Variants in HROB observed in about 807,000 individuals in gnomAD.
The protein encoded by HROB is homologous recombination OB-fold protein.
HROB carries 44 observed loss-of-function variants against 61.0 expected under a neutral mutation model. That is an observed-to-expected ratio of 0.72 (90% CI 0.57 to 0.93). The LOEUF (loss-of-function observed/expected upper bound fraction) is 0.93. Among genes scored for constraint, HROB ranks in the 40% least tolerant of loss-of-function variants. The probability of loss-of-function intolerance (pLI) is 0.00; values close to 1 mark genes in which losing one functional copy is unlikely to be tolerated. For synonymous variants in HROB, 301 were observed against 310.4 expected, an observed-to-expected ratio of 0.97 and a Z score of 0.32; for missense variants, 716 against 796.2, an observed-to-expected ratio of 0.90 and a Z score of 1.21.
rs529091036 is a variant in HROB at position 44,148,165 on chromosome 17, A to C, written c.362A>C (p.Glu121Ala). 4 of 1,614,202 alleles carry C rather than the reference A, an allele frequency of 2.5e-6. No homozygotes were observed. In the South Asian group the frequency reaches 4.4e-5, roughly 18 times the overall value. Residue 121 changes from glutamate to alanine, a missense_variant, in exon 3 of 10, where the codon GAA becomes GCA. Physicochemically the swap from Glu to Ala is moderately radical, Grantham distance 107 (BLOSUM62 -1). Coordinates refer to ENST00000585683, the MANE Select transcript of HROB (RefSeq NM_001171251.3). Reference sequence around the variant, plus strand: ...AATCAGAGAAGAGTGACAGTGACAGAAGTGCTCAGAGAGACAGCAAGACCT... The same window carrying C: ...AATCAGAGAAGAGTGACAGTGACAGCAGTGCTCAGAGAGACAGCAAGACCT... ...IGNQRRVTVT[E>A]VLRETARPQS...
At chr17:44,161,759 G>A in intron 9 of HROB, 112 bp from the exon 10 acceptor site, 2 of 1,188,016 alleles carry the variant, frequency 1.7e-6, no homozygotes, top group Admixed American at 1.9e-5. Context: ...GGAGCCGCCT[G>A]CCCAGCTATA....
rs113092438 is a variant in HROB, at chr17:44,143,207, G to A, written c.3+1062G>A. The stretch of plus-strand genomic sequence containing the variant: ...CCCGCCTTGGCGTCACAAAGTGCTG[G>A]GATTACAGGAGTGAGCCACCATGCC... On this transcript the variant is annotated intron_variant, in intron 1 of 9. Coordinates refer to ENST00000585683, the MANE Select transcript of HROB (RefSeq NM_001171251.3). Among the ~76,000 whole-genome samples the A allele has an allele frequency of 5.9e-4, 89 of 152,092 alleles. 2 individuals are homozygous for A. The highest frequency in any genetic ancestry group is 1.9e-3 in the African/African-American group (80 of 41,530).
At position 44,148,553 on chromosome 17, in the gene HROB, C is replaced by T; in HGVS notation, c.750C>T (p.His250=). The part of the protein sequence containing the change: ...RPPLRPGAVG[H]LPVPTALTVP... ...CCTTGAGACCTGGTGCTGTGGGTCA[C>T]CTTCCTGTTCCAACTGCCTTAACAG... Residue 250 remains histidine, a synonymous_variant, in exon 3 of 10, where the codon CAC becomes CAT. Coordinates refer to ENST00000585683, the MANE Select transcript of HROB (RefSeq NM_001171251.3). 6.2e-7 allele frequency: 1 copy of T among 1,614,060 alleles called. No individual in the cohort carries two copies. Among genetic ancestry groups the T allele is most frequent in the South Asian group, 1.1e-5 (1 of 91,076 alleles).
intron 1 of HROB, among the ~76,000 whole-genome samples, chr17:44,143,373 G>A (rs918556905): frequency 6.6e-6 from 1 of 152,132 alleles, no homozygotes; most frequent in Admixed American, 6.5e-5. Context: ...CCTGGGCGCA[G>A]TGGCTCACGC....
At chr17:44,156,658 G>A (rs891855224) in intron 8 of HROB, among the ~76,000 whole-genome samples, 69 of 150,614 alleles carry the variant, frequency 4.6e-4, no homozygotes, top group African/African-American at 1.5e-3. Flanking sequence ...TTTAATTACC[G>A]GTATTTATTT....
rs1038647350 is a variant in HROB, at chr17:44,162,169, C to G, written c.*237C>G. 2.0e-6 allele frequency: 1 copy of G among 504,388 alleles called. No homozygotes were observed. Among genetic ancestry groups the G allele is most frequent in the Non-Finnish European group, 3.5e-6 (1 of 281,852 alleles). The allele number at this position is 504,388 out of a possible 1,614,324, so 31.2% of individuals were successfully genotyped here. On this transcript the variant is annotated 3_prime_UTR_variant, in exon 10 of 10. Transcript: ENST00000585683. ...ATCCGGCCGGAGACTGGCTCTCCAG[C>G]CAACAAGAAAGGCCTGTCACCCTCG... is the stretch of plus-strand genomic sequence containing the variant.
intron 1 of HROB, 124 bp downstream of exon 1, chr17:44,142,269 C>T (rs2053468211): frequency 8.0e-7 from 1 of 1,249,374 alleles, no homozygotes; most frequent in East Asian, 3.1e-5. Flanking sequence ...GGGGGTTCGG[C>T]GGAGTCGGGA....
At position 44,145,147 on chromosome 17, in the gene HROB, C is replaced by T. The variant is rs1339152124; in HGVS notation, c.4-56C>T. On this transcript the variant is annotated intron_variant, in intron 1 of 9. Transcript: ENST00000585683. ...GTGCTGGGAAGAAGCAGAGTGAGGA[C>T]AGAATGTGCTTGCAAATGGTATTTC... is the stretch of plus-strand genomic sequence containing the variant. 7 of 1,582,808 alleles carry T rather than the reference C, an allele frequency of 4.4e-6. No homozygotes were observed. The Admixed American group carries it at 8.4e-5, about 19-fold the overall frequency.
intron 5 of HROB, among the ~76,000 whole-genome samples, chr17:44,154,033 C>T (rs2053896087): frequency 6.6e-6 from 1 of 151,026 alleles, no homozygotes; most frequent in Non-Finnish European, 1.5e-5. Flanking sequence ...GGCGACAGAG[C>T]GAGACTCCAT....
chr17:44,147,048 T>TGAGAGA (rs1555558320), intron 2 of HROB, among the ~76,000 whole-genome samples: 36 of 149,312 alleles, frequency 2.4e-4, no homozygotes, highest in African/African-American at 8.9e-4. Context: ...TGTGTGTGTG[T>TGAGAGA]GAGAGAGAGA....
chr17:44,157,972 G>A (rs770194787), intron 9 of HROB, 31 bp downstream of exon 9: 2 of 1,540,520 alleles, frequency 1.3e-6, no homozygotes, highest in Admixed American at 3.5e-5. Flanking sequence ...GGGAGCAAGA[G>A]AGGTTCTATT....
In HROB at chr17:44,157,793, C is replaced by T. The variant is rs2054015660; in HGVS notation, c.1771-40C>T. The T allele has an allele frequency of 2.0e-6, 3 of 1,519,896 alleles. No individual in the cohort carries two copies. The South Asian group carries it at 3.5e-5, about 18-fold the overall frequency. The allele number at this position is 1,519,896 out of a possible 1,614,324, so 94.2% of individuals were successfully genotyped here. A position where few individuals can be genotyped will look rare whatever the true frequency, so the allele number is the denominator to read the frequency against. On this transcript the variant is annotated intron_variant, in intron 8 of 9. Coordinates refer to ENST00000585683, the MANE Select transcript of HROB (RefSeq NM_001171251.3). ...GAGGTGGTGCCATCTGAAGGGATTT[C>T]AGGGACACAGGCATTGGTAACCAGA...
At chr17:44,143,886 A>C (rs1032696360) in intron 1 of HROB, among the ~76,000 whole-genome samples, 2 of 135,044 alleles carry the variant, frequency 1.5e-5, no homozygotes, top group Admixed American at 7.5e-5. Context: ...TTGCTCCCCT[A>C]GGCAGCCTTC....
rs751963411 is a variant in HROB, at chr17:44,148,650, G to A, written c.847G>A (p.Ala283Thr). 6.2e-7 allele frequency: 1 copy of A among 1,613,718 alleles called. No individual in the cohort carries two copies. ...TGTTCAAGCACTTCAGCCTCTCCAA[G>A]CTGCTAGAGGGACCATTCAGAGCAG... ...SPVQALQPLQ[A>T]ARGTIQSSPQ... The change falls in exon 3 of 10, where the codon GCT (alanine) becomes ACT (threonine). Residue 283 changes from alanine (A) to threonine (T), a missense_variant. Transcript: ENST00000585683.
rs2054167452 is a variant in HROB at position 44,162,437 on chromosome 17, G to GC, written c.*507dup. 6.4e-6 allele frequency: 1 copy of GC among 155,062 alleles called. No homozygotes were observed. The highest frequency in any genetic ancestry group is 1.9e-4 in the East Asian group (1 of 5,248). 9.6% of individuals were successfully genotyped at this position (155,062 alleles called of 1,614,324 possible). A position where few individuals can be genotyped will look rare whatever the true frequency, so the allele number is the denominator to read the frequency against. ...TTCCCAGGTGCAGGACAGAGGTGTGGCCTATTGTACCTTGTTCTGAAATAA... is the reference window on the plus strand; with the variant it reads ...TTCCCAGGTGCAGGACAGAGGTGTGGCCCTATTGTACCTTGTTCTGAAATAA... On this transcript the variant is annotated 3_prime_UTR_variant, in exon 10 of 10. Transcript: ENST00000585683.
chr17:44,158,894 G>A lies in HROB; in HGVS notation c.1879+953G>A, dbSNP rs144590888. Among the ~76,000 whole-genome samples, 744 of 151,994 alleles carry A rather than the reference G, an allele frequency of 4.9e-3. 8 individuals are homozygous for A. The highest frequency in any genetic ancestry group is 0.017 in the African/African-American group (714 of 41,470). ...GATCTCCTGACCTCGCGATCTGCCC[G>A]CCTCAGCCTCCCAAAGTGCTGGGAT... On this transcript the variant is annotated intron_variant, in intron 9 of 9. Coordinates refer to ENST00000585683, the MANE Select transcript of HROB (RefSeq NM_001171251.3).
chr17:44,142,040 T>C lies in HROB; in HGVS notation c.-103T>C. The C allele has an allele frequency of 6.9e-7, 1 of 1,447,806 alleles. No homozygotes were observed. Among genetic ancestry groups the C allele is most frequent in the Non-Finnish European group, 9.3e-7 (1 of 1,074,366 alleles). The allele number at this position is 1,447,806 out of a possible 1,614,324, so 89.7% of individuals were successfully genotyped here. On this transcript the variant is annotated 5_prime_UTR_variant, in exon 1 of 10. Coordinates refer to ENST00000585683, the MANE Select transcript of HROB (RefSeq NM_001171251.3). ...GACCCCAGCCCGGAAGCACTGTCCC[T>C]CGGAGTCCGAGACTTCCACCTGGGT...
intron 1 of HROB, among the ~76,000 whole-genome samples, chr17:44,143,911 C>T (rs2053533924): frequency 6.7e-6 from 1 of 149,814 alleles, no homozygotes; most frequent in African/African-American, 2.4e-5. Flanking sequence ...TGCCCCCTTT[C>T]TTCCCTTCCA....
At chr17:44,161,786 C>T (rs2054148098) in intron 9 of HROB, 85 bp from the exon 10 acceptor site, 3 of 1,474,388 alleles carry the variant, frequency 2.0e-6, no homozygotes, top group Non-Finnish European at 2.8e-6. Context: ...GGTCCAGGCC[C>T]TCCTGAAGGG....
Sources: gnomAD v4.1 joint callset for allele counts (sites outside exome capture counted in the v4.1 genomes callset) on GRCh38, gnomAD v4.1.1 for gene constraint, MANE v1.5 for transcripts, NCBI Gene and HGNC (gene_info 2026-07-23, HGNC 2026-07-21) for gene names.